Variants in LAMB4 observed in about 807,000 individuals in gnomAD.
LAMB4 encodes the protein laminin subunit beta 4, also known as laminin subunit beta-4.
LAMB4 carries 196 observed loss-of-function variants against 199.2 expected under a neutral mutation model. The observed-to-expected ratio is 0.98, with a 90% CI of 0.88 to 1.11. The LOEUF is 1.11. Among genes scored for constraint, LAMB4 ranks in the 50% least tolerant of loss-of-function variants. The pLI is 0.00. For synonymous variants in LAMB4, 744 were observed against 770.6 expected (o/e 0.97, Z 0.57); for missense variants, 2,080 against 2,171.2 (o/e 0.96, Z 0.83).
At position 108,062,815 on chromosome 7, in the gene LAMB4, C is replaced by T; in HGVS notation, c.3241G>A (p.Asp1081Asn). 1.3e-6 allele frequency: 2 copies of T among 1,534,498 alleles called. No homozygotes were observed. The highest frequency in any genetic ancestry group is 1.8e-6 in the Non-Finnish European group (2 of 1,141,236). ...LVPGRGCQSC[D>N]CDPRTSQSSH... ...CTTTGAGAGGTCCTAGGGTCACAGT[C>T]ACATGACTGACATCCTCTGCCAGGG... The change falls in exon 23 of 34, where the codon GAC becomes AAC. Residue 1081 changes from aspartate to asparagine, a missense_variant. Physicochemically the swap from Asp to Asn is conservative, Grantham distance 23. Coordinates refer to ENST00000388781, the MANE Select transcript of LAMB4 (RefSeq NM_007356.3).
chr7:108,103,404 C>G (rs1430974684), intron 9 of LAMB4, among the ~76,000 whole-genome samples, 172 bp from the exon 10 acceptor site: 1 of 152,184 alleles, frequency 6.6e-6, no homozygotes, highest in South Asian at 2.1e-4. Flanking sequence ...CTCAGGGGAT[C>G]GTTCTAACAC....
intron 17 of LAMB4, among the ~76,000 whole-genome samples, chr7:108,071,473 GAT>G (rs1480492836): frequency 6.6e-6 from 1 of 152,184 alleles, no homozygotes; most frequent in Non-Finnish European, 1.5e-5. Flanking sequence ...GATCTGCACT[GAT>G]ATCTAACGCC....
chr7:108,012,316 A>G, the LAMB4 span, among the ~76,000 whole-genome samples: 1 of 152,246 alleles, frequency 6.6e-6, no homozygotes, highest in African/African-American at 2.4e-5. Flanking sequence ...AAATGATAAC[A>G]GGAGGTACTT....
downstream of LAMB4, among the ~76,000 whole-genome samples, chr7:108,019,021 C>G (rs973803934): frequency 3.3e-5 from 5 of 152,128 alleles, no homozygotes; most frequent in African/African-American, 4.8e-5. Flanking sequence ...TCTCCATATT[C>G]CCACCCAATT....
chr7:108,087,266 A>G (rs2037217687), intron 14 of LAMB4, among the ~76,000 whole-genome samples: 1 of 152,058 alleles, frequency 6.6e-6, no homozygotes, highest in African/African-American at 2.4e-5. Context: ...TCCCACTACA[A>G]TGAGGGCAGG....
At chr7:108,043,325 A>T (rs1337561370) in intron 29 of LAMB4, among the ~76,000 whole-genome samples, 3 of 152,146 alleles carry the variant, frequency 2.0e-5, no homozygotes, top group Non-Finnish European at 4.4e-5. Context: ...CCTTAAAAAA[A>T]ACATAAAATA....
intron 14 of LAMB4, among the ~76,000 whole-genome samples, chr7:108,085,758 C>T (rs545771139): frequency 2.6e-5 from 4 of 152,190 alleles, no homozygotes; most frequent in Admixed American, 1.3e-4. Flanking sequence ...GGACTACAGG[C>T]GCCCACCACC....
chr7:108,115,792 A>T (rs963721290), intron 3 of LAMB4, among the ~76,000 whole-genome samples: 3 of 152,194 alleles, frequency 2.0e-5, no homozygotes, highest in Non-Finnish European at 4.4e-5. Context: ...GCCATTTTAG[A>T]TCAGGGACTT....
chr7:108,053,232 T>C (rs2035880435), intron 25 of LAMB4, among the ~76,000 whole-genome samples: 2 of 152,228 alleles, frequency 1.3e-5, no homozygotes, highest in East Asian at 1.9e-4. Context: ...GATGAAGCAA[T>C]TGAAGCTTGG....
At chr7:108,105,790 C>T (rs1292529032) in intron 8 of LAMB4, 27 bp downstream of exon 8, 38 of 1,597,142 alleles carry the variant, frequency 2.4e-5, no homozygotes, top group Non-Finnish European at 3.1e-5. Flanking sequence ...TAGGACAGCC[C>T]ACTGTTCTTT....
At chr7:108,110,092 G>A (rs2038166526) in intron 4 of LAMB4, among the ~76,000 whole-genome samples, 1 of 152,138 alleles carries the variant, frequency 6.6e-6, no homozygotes, top group African/African-American at 2.4e-5. Flanking sequence ...TGCAGTGGCA[G>A]GATCTTGGCT....
intron 3 of LAMB4, among the ~76,000 whole-genome samples, chr7:108,112,252 A>C (rs185248860): frequency 6.6e-6 from 1 of 152,298 alleles, no homozygotes; most frequent in Admixed American, 6.5e-5. Context: ...TAATATGAAG[A>C]AATAAAAAAT....
At position 108,043,742 on chromosome 7, in the gene LAMB4, T is replaced by A. The variant is rs748085778; in HGVS notation, c.4471+10A>T. The A allele has an allele frequency of 2.6e-6, 4 of 1,530,738 alleles. No individual in the cohort carries two copies. Among genetic ancestry groups the A allele is most frequent in the Admixed American group, 3.6e-5 (2 of 55,412 alleles). The allele number at this position is 1,530,738 out of a possible 1,614,324, so 94.8% of individuals were successfully genotyped here. A position where few individuals can be genotyped will look rare whatever the true frequency, so the allele number is the denominator to read the frequency against. ...ACAAAAACTAGTCCTAATATATATT[T>A]TTAAATTACCTAACAAAAAGTTTTT... On this transcript the variant is annotated intron_variant, in intron 29 of 33. Transcript: ENST00000388781.
At chr7:108,106,749 A>T (rs2038031509) in intron 6 of LAMB4, among the ~76,000 whole-genome samples, 177 bp from the exon 7 acceptor site, 1 of 151,892 alleles carries the variant, frequency 6.6e-6, no homozygotes, top group Non-Finnish European at 1.5e-5. Context: ...AGATTTTTGT[A>T]GAGGTGGGGT....
chr7:108,095,189 T>A (rs760166257), intron 12 of LAMB4, 39 bp downstream of exon 12: 1 of 1,446,772 alleles, frequency 6.9e-7, no homozygotes, highest in Non-Finnish European at 9.7e-7. Flanking sequence ...TAGAAATCTG[T>A]ATCACTATAG....
chr7:108,098,376 T>G (rs145405296), intron 11 of LAMB4, 27 bp downstream of exon 11: 72 of 1,412,592 alleles, frequency 5.1e-5, no homozygotes, highest in Non-Finnish European at 6.2e-5. Flanking sequence ...TGATGGACAC[T>G]CCCCCGACCC....
intron 4 of LAMB4, 70 bp downstream of exon 4, chr7:108,111,741 C>A: frequency 7.3e-7 from 1 of 1,374,432 alleles, no homozygotes; most frequent in South Asian, 1.2e-5. Flanking sequence ...TTATTAAAAC[C>A]ATACAAGGAA....
At chr7:108,021,331 G>A (rs1401822691), downstream of LAMB4, among the ~76,000 whole-genome samples, 1 of 152,162 alleles carries the variant, frequency 6.6e-6, no homozygotes, top group African/African-American at 2.4e-5. Context: ...CTGTGGGTTG[G>A]TTTCCCTTGA....
chr7:108,076,131 A>C (rs2036693047), intron 17 of LAMB4, among the ~76,000 whole-genome samples: 1 of 152,164 alleles, frequency 6.6e-6, no homozygotes, highest in South Asian at 2.1e-4. Context: ...TTTCAAATGT[A>C]TCAAATATAC....
Sources: gnomAD v4.1 joint callset for allele counts (sites outside exome capture counted in the v4.1 genomes callset) on GRCh38, gnomAD v4.1.1 for gene constraint, MANE v1.5 for transcripts, NCBI Gene and HGNC (gene_info 2026-07-23, HGNC 2026-07-21) for gene names.